The following LIMK1 variants were observed in gnomAD, a reference collection of about 807,000 sequenced individuals.
The protein encoded by LIMK1 is LIM motif-containing protein kinase.
A neutral mutation model predicts 77.6 loss-of-function variants in LIMK1; 21 were observed. The ratio of observed to expected loss-of-function variants is 0.27; its 90% CI spans 0.19 to 0.39. The LOEUF is 0.39. LIMK1 is among the 10% of genes least tolerant of loss of function. The pLI is 1.00. For synonymous variants in LIMK1, 358 were observed against 370.0 expected (o/e 0.97, Z 0.37); for missense variants, 696 against 901.6 (o/e 0.77, Z 2.92).
intron 2 of LIMK1, among the ~76,000 whole-genome samples, chr7:74,088,196 T>C (rs1554694297): frequency 6.6e-6 from 1 of 152,156 alleles, no homozygotes; most frequent in East Asian, 1.9e-4. Context: ...AGAGAGAAAA[T>C]TGGGACACAG....
At chr7:74,105,414 G>C (rs1246036849) in intron 5 of LIMK1, among the ~76,000 whole-genome samples, 1 of 151,890 alleles carries the variant, frequency 6.6e-6, no homozygotes, top group Non-Finnish European at 1.5e-5. Flanking sequence ...TCAGGAGGCT[G>C]AGGTACGAGA....
intron 2 of LIMK1, among the ~76,000 whole-genome samples, chr7:74,088,455 G>A (rs1230429609): frequency 6.6e-6 from 1 of 152,150 alleles, no homozygotes; most frequent in Non-Finnish European, 1.5e-5. Context: ...GATCCAACAA[G>A]AAACAAAGTT....
intron 1 of LIMK1, among the ~76,000 whole-genome samples, chr7:74,084,258 G>T (rs1199173332): frequency 4.6e-5 from 7 of 152,014 alleles, no homozygotes; most frequent in Non-Finnish European, 7.4e-5. Context: ...CGGGTCTGGG[G>T]GCCCCTGGAC....
intron 3 of LIMK1, 64 bp downstream of exon 3, chr7:74,096,824 A>C (rs1165301196): frequency 1.3e-5 from 19 of 1,518,650 alleles, no homozygotes; most frequent in Non-Finnish European, 1.6e-5. Flanking sequence ...CCCATGCTCC[A>C]GGTCTCTCTC....
intron 9 of LIMK1, 104 bp from the exon 10 acceptor site, chr7:74,108,801 T>A: frequency 6.6e-7 from 1 of 1,512,766 alleles, no homozygotes; most frequent in Non-Finnish European, 8.8e-7. Context: ...TTCCGTATCT[T>A]TGAGACCGCC....
At chr7:74,108,821 T>C in intron 9 of LIMK1, 84 bp from the exon 10 acceptor site, 3 of 1,550,202 alleles carry the variant, frequency 1.9e-6, no homozygotes, top group Non-Finnish European at 1.7e-6. Context: ...CTACAGCCCC[T>C]GGTGGGATGG....
rs535500548 is a variant in LIMK1, at chr7:74,106,262, C to A, written c.881+19C>A. On this transcript the variant is annotated intron_variant, in intron 7 of 15. Transcript: ENST00000336180. Reference sequence around the variant, plus strand: ...CTGTCTTGTAAGTCAGCCTGCTCCTCGGTTCAGCTGGGTGCTTTCACTCCT... The same window carrying A: ...CTGTCTTGTAAGTCAGCCTGCTCCTAGGTTCAGCTGGGTGCTTTCACTCCT... 6.3e-7 allele frequency: 1 copy of A among 1,596,626 alleles called. No homozygotes were observed. Among genetic ancestry groups the A allele is most frequent in the Admixed American group, 1.8e-5 (1 of 57,060 alleles).
intron 5 of LIMK1, among the ~76,000 whole-genome samples, chr7:74,101,845 G>C (rs797032465): frequency 6.6e-6 from 1 of 150,854 alleles, no homozygotes; most frequent in South Asian, 2.1e-4. Context: ...TTTTTTTTGA[G>C]ACAGGGTCTT....
chr7:74,084,075 GC>G, intron 1 of LIMK1, 30 bp downstream of exon 1: 1 of 1,365,470 alleles, frequency 7.3e-7, no homozygotes, highest in Non-Finnish European at 9.9e-7. Flanking sequence ...TGGGGCGAGG[GC>G]CTGGAGGGGG....
rs1197234696 is a variant in LIMK1, at chr7:74,083,975, G to GC, written c.-10dup. Reference sequence around the variant, plus strand: ...CCCAGCCCCAGCCCCGCCGGGCCCCGCCCCCCGTCGAGTGCATGAGGTTGA... The same window carrying GC: ...CCCAGCCCCAGCCCCGCCGGGCCCCGCCCCCCCGTCGAGTGCATGAGGTTGA... On this transcript the variant is annotated 5_prime_UTR_variant, in exon 1 of 16. Coordinates refer to ENST00000336180, the MANE Select transcript of LIMK1 (RefSeq NM_002314.4). The GC allele has an allele frequency of 3.2e-6, 4 of 1,249,150 alleles. No homozygotes were observed. The highest frequency in any genetic ancestry group is 3.1e-6 in the Non-Finnish European group (3 of 956,076). 77.4% of individuals were successfully genotyped at this position (1,249,150 alleles called of 1,614,324 possible).
intron 13 of LIMK1, among the ~76,000 whole-genome samples, chr7:74,116,564 C>G (rs1250701004): frequency 6.6e-6 from 1 of 152,094 alleles, no homozygotes; most frequent in Non-Finnish European, 1.5e-5. Context: ...GTTTCCTGAC[C>G]TTTTCTGGCT....
chr7:74,106,247 A>G lies in LIMK1; in HGVS notation c.881+4A>G. 1.9e-6 allele frequency: 3 copies of G among 1,606,796 alleles called. No homozygotes were observed. Among genetic ancestry groups the G allele is most frequent in the Non-Finnish European group, 2.5e-6 (3 of 1,177,328 alleles). On this transcript the variant is annotated splice_donor_region_variant and intron_variant, in intron 7 of 15. Transcript: ENST00000336180. ...CTGCCCGGCAGAAACCTGTCTTGTA[A>G]GTCAGCCTGCTCCTCGGTTCAGCTG...
At chr7:74,084,214 C>A (rs1799086630) in intron 1 of LIMK1, among the ~76,000 whole-genome samples, 169 bp downstream of exon 1, 2 of 151,554 alleles carry the variant, frequency 1.3e-5, no homozygotes, top group Admixed American at 6.6e-5. Context: ...CGCCCGGGAT[C>A]CCCCTCCCCG....
intron 2 of LIMK1, among the ~76,000 whole-genome samples, chr7:74,094,951 C>A (rs1290710769): frequency 6.6e-6 from 1 of 152,180 alleles, no homozygotes; most frequent in Non-Finnish European, 1.5e-5. Flanking sequence ...TTTCTGCTCC[C>A]CCTTTACTCC....
intron 7 of LIMK1, among the ~76,000 whole-genome samples, 191 bp downstream of exon 7, chr7:74,106,434 C>CA (rs201984559): frequency 3.3e-5 from 5 of 150,786 alleles, no homozygotes; most frequent in East Asian, 1.9e-4. Context: ...GACCCACTCT[C>CA]AAAAAAAAAG....
At chr7:74,087,070 A>G (rs1198197079) in intron 2 of LIMK1, among the ~76,000 whole-genome samples, 1 of 152,180 alleles carries the variant, frequency 6.6e-6, no homozygotes, top group African/African-American at 2.4e-5. Context: ...GCAGGGCCAG[A>G]GCAGGGGTCT....
chr7:74,116,095 A>C, intron 13 of LIMK1, 137 bp downstream of exon 13: 1 of 903,420 alleles, frequency 1.1e-6, no homozygotes, highest in African/African-American at 1.7e-5. Flanking sequence ...TGTTGCTCCT[A>C]TAACACACTT....
At chr7:74,118,617 T>G (rs1799869238) in intron 13 of LIMK1, among the ~76,000 whole-genome samples, 1 of 150,322 alleles carries the variant, frequency 6.7e-6, no homozygotes, top group Non-Finnish European at 1.5e-5. Flanking sequence ...GGACATGGTT[T>G]CGGGCGCCCG....
rs1255694518 is a variant in LIMK1 at position 74,097,288 on chromosome 7, C to T, written c.401+99C>T. On this transcript the variant is annotated intron_variant, in intron 4 of 15. Coordinates refer to ENST00000336180, the MANE Select transcript of LIMK1 (RefSeq NM_002314.4). The stretch of plus-strand genomic sequence containing the variant: ...CACACCCGGGCCTCCTGCCCTTTCC[C>T]ATGGGGTGAGGTTTGTTGGGGCAAA... 6.0e-6 allele frequency: 4 copies of T among 669,056 alleles called. No individual in the cohort carries two copies. The African/African-American group carries it at 7.4e-5, about 12-fold the overall frequency. The allele number at this position is 669,056 out of a possible 1,614,324, so 41.4% of individuals were successfully genotyped here.
Sources: allele counts gnomAD v4.1 joint callset (sites outside exome capture counted in the v4.1 genomes callset), GRCh38; gene constraint gnomAD v4.1.1; transcripts MANE v1.5; gene names NCBI Gene and HGNC (gene_info 2026-07-23, HGNC 2026-07-21).